Variants in ATXN8OS observed in about 807,000 individuals in gnomAD.
The protein encoded by ATXN8OS is ATXN8 opposite strand (non-protein coding).
At chr13:70,107,966 C>T (rs1593751433) in exon 1 of ATXN8OS, 4 of 443,402 alleles carry the variant, frequency 9.0e-6, no homozygotes, top group East Asian at 3.3e-5. Context: ...AGGACTGGGA[C>T]GCCAAAAGCT....
At chr13:70,117,633 A>G (rs1888298692) in intron 2 of ATXN8OS, among the ~76,000 whole-genome samples, 1 of 152,076 alleles carries the variant, frequency 6.6e-6, no homozygotes, top group Non-Finnish European at 1.5e-5. Flanking sequence ...AAATCAAATC[A>G]TGACCCAAAC....
intron 2 of ATXN8OS, among the ~76,000 whole-genome samples, chr13:70,120,414 C>G (rs1485924856): frequency 6.6e-6 from 1 of 152,006 alleles, no homozygotes; most frequent in East Asian, 1.9e-4. Context: ...CTAATATAGA[C>G]AGAGTTAAAT....
intron 2 of ATXN8OS, among the ~76,000 whole-genome samples, chr13:70,121,841 CAAG>C (rs758053865): frequency 4.6e-5 from 7 of 151,678 alleles, no homozygotes; most frequent in East Asian, 1.9e-4. Flanking sequence ...ATGGGAAAAG[CAAG>C]AAGAAGGAGG....
intron 3 of ATXN8OS, among the ~76,000 whole-genome samples, chr13:70,134,842 A>C (rs1460711253): frequency 1.3e-5 from 2 of 152,266 alleles, no homozygotes; most frequent in East Asian, 3.9e-4. Context: ...ATCTGAGGGC[A>C]TATCTGAGGG....
At chr13:70,130,780 C>T (rs1888520700) in intron 3 of ATXN8OS, 1 of 398,502 alleles carries the variant, frequency 2.5e-6, no homozygotes, top group Non-Finnish European at 4.4e-6. Flanking sequence ...ATAAAACAGA[C>T]TTCACCTCGG....
At chr13:70,145,669 T>C (rs1379452523) in intron 3 of ATXN8OS, among the ~76,000 whole-genome samples, 1 of 152,118 alleles carries the variant, frequency 6.6e-6, no homozygotes, top group Non-Finnish European at 1.5e-5. Flanking sequence ...TATTGTTGTA[T>C]AAGAATGCTT....
At chr13:70,113,941 A>T (rs1888237993) in intron 1 of ATXN8OS, among the ~76,000 whole-genome samples, 2 of 152,190 alleles carry the variant, frequency 1.3e-5, no homozygotes, top group African/African-American at 2.4e-5. Context: ...TTTTCCCACA[A>T]GTTTATGTGT....
At chr13:70,150,547 A>G (rs1044806536) in intron 4 of ATXN8OS, among the ~76,000 whole-genome samples, 19 of 152,224 alleles carry the variant, frequency 1.2e-4, no homozygotes, top group African/African-American at 3.6e-4. Context: ...CCAGCTCCCA[A>G]TGTCTGGGTA....
At chr13:70,110,634 G>T (rs1185214761) in intron 1 of ATXN8OS, among the ~76,000 whole-genome samples, 2 of 151,874 alleles carry the variant, frequency 1.3e-5, no homozygotes, top group African/African-American at 2.4e-5. Flanking sequence ...AAATAATTTG[G>T]TTGGATATTA....
At chr13:70,107,427 C>T (rs747537926), upstream of ATXN8OS, 3 of 1,613,930 alleles carry the variant, frequency 1.9e-6, no homozygotes, top group African/African-American at 2.7e-5. Flanking sequence ...TGCCATTCAG[C>T]GGATTGAAGG....
chr13:70,119,209 C>G (rs2137473787), intron 2 of ATXN8OS, among the ~76,000 whole-genome samples: 1 of 152,170 alleles, frequency 6.6e-6, no homozygotes, highest in African/African-American at 2.4e-5. Context: ...ACAATTATTT[C>G]TCATGCTTGT....
intron 4 of ATXN8OS, among the ~76,000 whole-genome samples, chr13:70,165,138 C>T (rs1889063456): frequency 6.6e-6 from 1 of 151,732 alleles, no homozygotes; most frequent in Admixed American, 6.6e-5. Context: ...TTTGAGCTTT[C>T]AAGCCTTAGA....
At chr13:70,126,405 A>C (rs575532783) in intron 2 of ATXN8OS, among the ~76,000 whole-genome samples, 1 of 152,264 alleles carries the variant, frequency 6.6e-6, no homozygotes, top group African/African-American at 2.4e-5. Context: ...TAAGGTGCTT[A>C]ATCTGACTGA....
At chr13:70,146,629 C>T (rs1402642391) in intron 3 of ATXN8OS, among the ~76,000 whole-genome samples, 1 of 151,932 alleles carries the variant, frequency 6.6e-6, no homozygotes, top group Admixed American at 6.6e-5. Flanking sequence ...ATGGATGAAA[C>T]TGGAAACCAT....
intron 1 of ATXN8OS, among the ~76,000 whole-genome samples, chr13:70,111,773 C>A (rs780215270): frequency 4.6e-5 from 7 of 152,036 alleles, no homozygotes; most frequent in South Asian, 2.1e-4. Context: ...TTTTGGCAGG[C>A]CTTCTGCAAT....
intron 3 of ATXN8OS, among the ~76,000 whole-genome samples, chr13:70,140,549 G>T (rs9599557): frequency 0.25 from 31,867 of 129,030 alleles, 4,059 homozygotes; most frequent in East Asian, 0.58. Context: ...AAAAAAAACG[G>T]AGAAGAAATG....
rs1288946080 is a variant in ATXN8OS at position 70,140,009 on chromosome 13, C to T, written n.500-7346C>T. Among the ~76,000 whole-genome samples the T allele has an allele frequency of 8.5e-5, 13 of 152,190 alleles. No homozygotes were observed. In the East Asian group the frequency reaches 2.3e-3, roughly 27 times the overall value. On this transcript the variant is annotated intron_variant and non_coding_transcript_variant, in intron 3 of 4. Coordinates refer to ENST00000678624, the Ensembl canonical transcript of ATXN8OS. ...ATACACCAAAAAATAAAAAATAACA[C>T]ACTCTAACTTTTAAATTTAGTAGCT...
intron 4 of ATXN8OS, among the ~76,000 whole-genome samples, chr13:70,168,987 C>T (rs769397563): frequency 6.6e-6 from 1 of 152,034 alleles, no homozygotes; most frequent in Admixed American, 6.6e-5. Context: ...AATTGTAAAC[C>T]AGTAATGTCA....
chr13:70,122,660 T>C (rs1196102065), intron 2 of ATXN8OS, among the ~76,000 whole-genome samples: 1 of 152,044 alleles, frequency 6.6e-6, no homozygotes, highest in Non-Finnish European at 1.5e-5. Context: ...GAAACTATGG[T>C]ATGTATATTT....
Sources: gnomAD v4.1 joint callset for allele counts (sites outside exome capture counted in the v4.1 genomes callset) on GRCh38, gnomAD v4.1.1 for gene constraint, MANE v1.5 for transcripts, NCBI Gene and HGNC (gene_info 2026-07-23, HGNC 2026-07-21) for gene names.